GARNL3: variants seen among roughly 807,000 people sequenced by gnomAD.
The protein encoded by GARNL3 is GTPase activating Rap/RanGAP domain like 3, also known as GTPase-activating Rap/Ran-GAP domain-like protein 3.
GARNL3 carries 63 observed loss-of-function variants against 125.0 expected under a neutral mutation model. The ratio of observed to expected loss-of-function variants is 0.50; its 90% CI spans 0.41 to 0.62. The LOEUF is 0.62. Ranked by LOEUF, GARNL3 falls within the 20% of genes least tolerant of loss-of-function variation. GARNL3 has a pLI of 0.00. For missense variants in GARNL3, 994 were observed against 1,244.0 expected (o/e 0.80, Z 3.02); for synonymous variants, 439 against 457.5 (o/e 0.96, Z 0.52).
intron 12 of GARNL3, 77 bp downstream of exon 12, chr9:127,338,238 T>A (rs1180081553): frequency 9.0e-7 from 1 of 1,110,258 alleles, no homozygotes. Context: ...TACAAGACTC[T>A]TGATATACAT....
chr9:127,347,751 G>A (rs375970732), intron 16 of GARNL3, among the ~76,000 whole-genome samples: 13 of 152,276 alleles, frequency 8.5e-5, no homozygotes, highest in African/African-American at 2.6e-4. Context: ...TTGGGGAAAC[G>A]TCATTTCAAT....
Position 127,313,542 on chromosome 9 carries a change from A to G in GARNL3, c.421A>G (p.Ile141Val), listed in dbSNP as rs1010936468. The G allele has an allele frequency of 3.1e-6, 5 of 1,613,128 alleles. No homozygotes were observed. Among genetic ancestry groups the G allele is most frequent in the East Asian group, 2.2e-5 (1 of 44,884 alleles). ...TCAACGTGTCCCTCAATACCGTGCA[A>G]TTCTTTGGAGAAAAACAGTAAGTAT... ...NNQRVPQYRA[I>V]LWRKTGTQKI... Residue 141 changes from isoleucine to valine, a missense_variant, in exon 4 of 28, where the codon ATT becomes GTT. Ile to Val is a conservative substitution (Grantham distance 29). This residue lies in a region of GARNL3 where 139 missense variants were observed against 231.6 expected (regional missense o/e 0.60). Coordinates refer to ENST00000373387, the MANE Select transcript of GARNL3 (RefSeq NM_032293.5).
intron 22 of GARNL3, among the ~76,000 whole-genome samples, chr9:127,368,216 G>T (rs1237660858): frequency 1.3e-5 from 2 of 151,852 alleles, no homozygotes; most frequent in Admixed American, 1.3e-4. Flanking sequence ...CGCCGAAGGG[G>T]TAGGGGTAGG....
intron 1 of GARNL3, among the ~76,000 whole-genome samples, chr9:127,288,925 C>T (rs1197307402): frequency 2.6e-5 from 4 of 152,306 alleles, no homozygotes; most frequent in African/African-American, 4.8e-5. Flanking sequence ...GTGTGTCCCA[C>T]GTCTTTATAG....
intron 20 of GARNL3, 97 bp downstream of exon 20, chr9:127,355,569 C>T: frequency 8.5e-7 from 1 of 1,175,288 alleles, no homozygotes; most frequent in South Asian, 1.3e-5. Context: ...GAGGTTGTCC[C>T]ACTGTTTAGT....
chr9:127,333,622 C>G (rs564521763), intron 9 of GARNL3, among the ~76,000 whole-genome samples: 74 of 151,824 alleles, frequency 4.9e-4, no homozygotes, highest in Non-Finnish European at 8.5e-4. Context: ...GAGGGAGGGG[C>G]GAGTCGGAAT....
upstream of GARNL3, chr9:127,263,762 A>C: frequency 8.2e-7 from 1 of 1,219,454 alleles, no homozygotes; most frequent in Non-Finnish European, 1.0e-6. Flanking sequence ...GGACTACAAA[A>C]GGTTAAATTT....
intron 21 of GARNL3, among the ~76,000 whole-genome samples, chr9:127,360,502 C>G (rs1378307114): frequency 2.0e-5 from 3 of 152,124 alleles, no homozygotes; most frequent in Non-Finnish European, 2.9e-5. Flanking sequence ...AAGGAGGGTA[C>G]TGTCTGTCTG....
Position 127,385,414 on chromosome 9 carries a change from T to C in GARNL3, c.2388+269T>C, listed in dbSNP as rs1238365353. Reference sequence around the variant, plus strand: ...GGGAGCACTTAGCTGAAAAGAGATATCCCCGCTCAGAGACTGGGTCAGTTA... The same window carrying C: ...GGGAGCACTTAGCTGAAAAGAGATACCCCCGCTCAGAGACTGGGTCAGTTA... On this transcript the variant is annotated intron_variant, in intron 24 of 27. Coordinates refer to ENST00000373387, the MANE Select transcript of GARNL3 (RefSeq NM_032293.5). The surrounding 1 kb of genome is among the most constrained non-coding windows in gnomAD (Gnocchi z 4.1). Among the ~76,000 whole-genome samples, 1 of 152,052 alleles carries C rather than the reference T, an allele frequency of 6.6e-6. No individual in the cohort carries two copies. Among genetic ancestry groups the C allele is most frequent in the Admixed American group, 6.6e-5 (1 of 15,260 alleles).
upstream of GARNL3, among the ~76,000 whole-genome samples, chr9:127,260,665 C>T (rs2063571525): frequency 6.6e-6 from 1 of 152,174 alleles, no homozygotes; most frequent in Non-Finnish European, 1.5e-5. Flanking sequence ...ATAGACAGTT[C>T]ATAACCACTG....
Position 127,253,854 on chromosome 9 carries a change from G to A in GARNL3, c.143+10605G>A, listed in dbSNP as rs1019734499. On this transcript the variant is annotated intron_variant, in intron 2 of 10. Coordinates refer to the GARNL3 transcript ENST00000439286. The stretch of plus-strand genomic sequence containing the variant: ...AAGGGAGGACCTGGGTTGTGGGGGT[G>A]TTTCTTATCACTGAGAGTGTGCAAG... Among the ~76,000 whole-genome samples the A allele has an allele frequency of 5.9e-5, 9 of 152,114 alleles. 1 individual carries two copies. The South Asian group carries it at 6.2e-4, about 10-fold the overall frequency.
chr9:127,225,280 T>C (rs2062885627), intron 1 of GARNL3: 1 of 917,686 alleles, frequency 1.1e-6, no homozygotes, highest in Admixed American at 6.3e-5. Context: ...CCCACCCGAG[T>C]GCGCCCGAGC....
chr9:127,289,147 G>A (rs1014884376), intron 1 of GARNL3, among the ~76,000 whole-genome samples: 2 of 152,110 alleles, frequency 1.3e-5, no homozygotes, highest in African/African-American at 2.4e-5. Context: ...CTGTGAAAAC[G>A]GCAGTGACCC....
At chr9:127,262,125 G>A (rs746668620), upstream of GARNL3, among the ~76,000 whole-genome samples, 9 of 152,116 alleles carry the variant, frequency 5.9e-5, no homozygotes, top group South Asian at 2.1e-4. Context: ...ACTGGCTGCT[G>A]CCTGCCTACT....
At chr9:127,282,432 C>A (rs1421339740) in intron 1 of GARNL3, among the ~76,000 whole-genome samples, 1 of 152,138 alleles carries the variant, frequency 6.6e-6, no homozygotes, top group Non-Finnish European at 1.5e-5. Context: ...ATCCTCACCA[C>A]AAGCCTAGAA....
intron 20 of GARNL3, chr9:127,356,439 A>G (rs1372347537): frequency 2.0e-5 from 3 of 152,202 alleles, no homozygotes; most frequent in Admixed American, 6.5e-5. Context: ...ACTAGGGTAC[A>G]TTAAGGTATG....
chr9:127,370,022 G>A (rs1401176381), intron 22 of GARNL3, among the ~76,000 whole-genome samples: 2 of 152,222 alleles, frequency 1.3e-5, no homozygotes, highest in Non-Finnish European at 2.9e-5. Context: ...CCTCTCTGGA[G>A]CATTTGTTCT....
chr9:127,326,646 G>A (rs954414072), intron 7 of GARNL3, among the ~76,000 whole-genome samples: 1 of 152,130 alleles, frequency 6.6e-6, no homozygotes, highest in Non-Finnish European at 1.5e-5. Flanking sequence ...GTGCAAGAGT[G>A]AGATAGAGTA....
chr9:127,271,179 A>AAACTAC (rs2063816030), intron 1 of GARNL3, among the ~76,000 whole-genome samples: 1 of 150,394 alleles, frequency 6.6e-6, no homozygotes, highest in Non-Finnish European at 1.5e-5. Context: ...TTAAAAGCTC[A>AAACTAC]AACTAAAAGC....
Sources: allele counts gnomAD v4.1 joint callset (sites outside exome capture counted in the v4.1 genomes callset), GRCh38; gene constraint gnomAD v4.1.1; regional missense constraint gnomAD v4.1.1; non-coding constraint Gnocchi (gnomAD v3.1); transcripts MANE v1.5; gene names NCBI Gene and HGNC (gene_info 2026-07-23, HGNC 2026-07-21).